MTFR1: variants seen among roughly 807,000 people sequenced by gnomAD.
MTFR1 encodes mitochondrial fission regulator 1.
Under a neutral mutation model 38.8 loss-of-function variants are expected in MTFR1, and 28 were observed. The observed-to-expected ratio is 0.72, with a 90% CI of 0.53 to 0.99. The LOEUF is 0.99. Among genes scored for constraint, MTFR1 ranks in the 50% least tolerant of loss-of-function variants. The probability of loss-of-function intolerance (pLI) is 0.00; values close to 1 mark genes in which losing one functional copy is unlikely to be tolerated. For missense variants in MTFR1, 358 were observed against 395.5 expected (o/e 0.91, Z 0.81); for synonymous variants, 145 against 137.0 (o/e 1.06, Z -0.41).
intron 1 of MTFR1, among the ~76,000 whole-genome samples, chr8:65,661,540 A>G (rs1281011209): frequency 1.3e-5 from 2 of 152,126 alleles, no homozygotes; most frequent in Non-Finnish European, 2.9e-5. Context: ...AAGAGGCATG[A>G]GAATCGCTTG....
chr8:65,664,739 G>T (rs1185737552), intron 1 of MTFR1, among the ~76,000 whole-genome samples: 7 of 150,444 alleles, frequency 4.7e-5, no homozygotes, highest in African/African-American at 1.7e-4. Context: ...TGGGATTACA[G>T]GCACACACTA....
chr8:65,714,936 C>T (rs1190279452), downstream of MTFR1, among the ~76,000 whole-genome samples: 21 of 152,138 alleles, frequency 1.4e-4, no homozygotes, highest in Non-Finnish European at 1.5e-4. Flanking sequence ...CCAACCATCA[C>T]ATTTACAGTG....
At chr8:65,742,699 T>A (rs1305115005) in intron 3 of MTFR1, among the ~76,000 whole-genome samples, 2 of 152,224 alleles carry the variant, frequency 1.3e-5, no homozygotes, top group Non-Finnish European at 2.9e-5. Flanking sequence ...GGAATTTTTT[T>A]CTGCCCATTT....
chr8:65,771,077 G>C (rs1023617797), exon 4 of MTFR1: 1 of 361,638 alleles, frequency 2.8e-6, no homozygotes, highest in Non-Finnish European at 5.4e-6. Flanking sequence ...ATTCATGGTA[G>C]GAAATATTGT....
intron 1 of MTFR1, among the ~76,000 whole-genome samples, chr8:65,665,636 A>G (rs997378267): frequency 6.6e-6 from 1 of 152,160 alleles, no homozygotes; most frequent in Non-Finnish European, 1.5e-5. Flanking sequence ...CTTCTTCCTT[A>G]TCGCGCTAGC....
intron 1 of MTFR1, among the ~76,000 whole-genome samples, chr8:65,653,644 G>A (rs1809179876): frequency 6.6e-6 from 1 of 152,180 alleles, no homozygotes; most frequent in South Asian, 2.1e-4. Flanking sequence ...AGCCTGTAAG[G>A]GTTCCCAAAG....
At chr8:65,771,869 C>T (rs1038286579), downstream of MTFR1, among the ~76,000 whole-genome samples, 3 of 123,030 alleles carry the variant, frequency 2.4e-5, no homozygotes, top group Non-Finnish European at 4.8e-5. Context: ...ATCGAGACTC[C>T]GAGACTCCAT....
At chr8:65,693,212 T>C (rs904117206) in intron 3 of MTFR1, among the ~76,000 whole-genome samples, 2 of 151,906 alleles carry the variant, frequency 1.3e-5, no homozygotes, top group African/African-American at 4.8e-5. Context: ...ACCCGCCTGG[T>C]CAACATGGTG....
chr8:65,729,706 G>A (rs1312883809), intron 3 of MTFR1, among the ~76,000 whole-genome samples: 2 of 151,114 alleles, frequency 1.3e-5, no homozygotes, highest in East Asian at 1.9e-4. Flanking sequence ...GGGATTATAG[G>A]CGCCTACCAC....
intron 1 of MTFR1, among the ~76,000 whole-genome samples, chr8:65,659,628 G>A (rs1809357934): frequency 2.0e-5 from 3 of 152,062 alleles, no homozygotes; most frequent in South Asian, 4.1e-4. Context: ...GTAACCAAGG[G>A]AACAGATGTG....
rs1338365167 is a variant in MTFR1 at position 65,668,106 on chromosome 8, A to G, written c.-80-1767A>G. On this transcript the variant is annotated intron_variant, in intron 1 of 7. Transcript: ENST00000262146. ...GATGAGATAAAGGGCTTACATCACT[A>G]TGTAAATCAACTATGGCATACAGCA... is the stretch of plus-strand genomic sequence containing the variant. Among the ~76,000 whole-genome samples the G allele has an allele frequency of 2.0e-5, 3 of 151,812 alleles. No individual in the cohort carries two copies. In the East Asian group the frequency reaches 5.8e-4, roughly 29 times the overall value.
chr8:65,726,919 T>A (rs755881729), intron 3 of MTFR1: 49 of 1,609,800 alleles, frequency 3.0e-5, no homozygotes, highest in Non-Finnish European at 4.1e-5. Flanking sequence ...ATTCTCTCAA[T>A]AAGCCCACTG....
At chr8:65,719,541 C>T (rs370634214) in intron 3 of MTFR1, 1 of 1,250,726 alleles carries the variant, frequency 8.0e-7, no homozygotes, top group Non-Finnish European at 1.2e-6. Context: ...TGCTGAAACT[C>T]TATCTTTAAA....
rs1357809545 is a variant in MTFR1 at position 65,709,059 on chromosome 8, C to T, written c.*15C>T. On this transcript the variant is annotated 3_prime_UTR_variant, in exon 8 of 8. Coordinates refer to ENST00000262146, the MANE Select transcript of MTFR1 (RefSeq NM_014637.4). ...CAGACTCCTAATAGACAATGAGCTG[C>T]GAAAAGACTCCTGGTTCCCCTGTTG... 8 of 1,612,554 alleles carry T rather than the reference C, an allele frequency of 5.0e-6. No individual in the cohort carries two copies. Among genetic ancestry groups the T allele is most frequent in the African/African-American group, 1.3e-5 (1 of 74,866 alleles).
At chr8:65,694,026 C>T (rs1237118221) in intron 4 of MTFR1, among the ~76,000 whole-genome samples, 4 of 151,574 alleles carry the variant, frequency 2.6e-5, no homozygotes, top group African/African-American at 7.3e-5. Context: ...CCTCAGCCTC[C>T]CAAGTAGCTG....
chr8:65,745,086 T>G (rs1392913700), intron 3 of MTFR1, among the ~76,000 whole-genome samples: 3 of 152,226 alleles, frequency 2.0e-5, no homozygotes, highest in Non-Finnish European at 4.4e-5. Flanking sequence ...CGAGATCTGA[T>G]GATTTCATAA....
chr8:65,734,823 C>A (rs1281857526), intron 3 of MTFR1: 1 of 1,609,602 alleles, frequency 6.2e-7, no homozygotes, highest in African/African-American at 1.3e-5. Context: ...CAGTGCATGG[C>A]CTGAGTAACA....
chr8:65,744,228 A>AACAAAACAAC (rs1223788097), intron 3 of MTFR1, among the ~76,000 whole-genome samples: 4 of 149,370 alleles, frequency 2.7e-5, no homozygotes, highest in African/African-American at 1.0e-4. Context: ...AACAAAACAA[A>AACAAAACAAC]ACAAAACAAC....
chr8:65,762,859 A>C (rs1808575122), intron 3 of MTFR1, among the ~76,000 whole-genome samples: 1 of 152,164 alleles, frequency 6.6e-6, no homozygotes, highest in Non-Finnish European at 1.5e-5. Context: ...TATATTGGCC[A>C]AGTATGGTGG....
Sources: allele counts gnomAD v4.1 joint callset (sites outside exome capture counted in the v4.1 genomes callset), GRCh38; gene constraint gnomAD v4.1.1; transcripts MANE v1.5; gene names NCBI Gene and HGNC (gene_info 2026-07-23, HGNC 2026-07-21).